Variants in PCNX2 observed in about 807,000 individuals in gnomAD.
PCNX2 encodes the protein pecanex-like protein 2.
In PCNX2, 168 loss-of-function variants were observed where a neutral mutation model predicts 223.8. That is an observed-to-expected ratio of 0.75 (90% CI 0.66 to 0.85). PCNX2 has a LOEUF of 0.85. Ranked by LOEUF, PCNX2 falls within the 40% of genes least tolerant of loss-of-function variation. The probability of loss-of-function intolerance (pLI) is 0.00; values close to 1 mark genes in which losing one functional copy is unlikely to be tolerated. For missense variants in PCNX2, 2,507 were observed against 2,675.5 expected, an observed-to-expected ratio of 0.94 and a Z score of 1.39; for synonymous variants, 1,006 against 1,052.6, an observed-to-expected ratio of 0.96 and a Z score of 0.86.
At chr1:233,141,771 ATATGTG>A (rs1677137387) in intron 19 of PCNX2, among the ~76,000 whole-genome samples, 1 of 110,658 alleles carries the variant, frequency 9.0e-6, no homozygotes, top group Non-Finnish European at 1.8e-5. Context: ...GTGTATATGT[ATATGTG>A]TGTGTGTGTG....
Position 233,278,568 on chromosome 1 carries a change from T to TG in PCNX2, c.154-15406dup, listed in dbSNP as rs541589132. The stretch of plus-strand genomic sequence containing the variant: ...TGAGAATTATGCCTGCTGATGGGAA[T>TG]GGGCATTTCTGTACAGGGGAGTGGA... On this transcript the variant is annotated intron_variant, in intron 1 of 33. Transcript: ENST00000258229. Among the ~76,000 whole-genome samples, 55 of 152,294 alleles carry TG rather than the reference T, an allele frequency of 3.6e-4. No individual in the cohort carries two copies. The East Asian group carries it at 6.8e-3, about 19-fold the overall frequency.
chr1:233,152,587 T>C (rs1207405256), intron 19 of PCNX2, among the ~76,000 whole-genome samples: 2 of 152,224 alleles, frequency 1.3e-5, no homozygotes, highest in African/African-American at 4.8e-5. Context: ...TTTTTACATA[T>C]ATTATTGAGT....
chr1:233,156,918 A>AAAACAAAC (rs138795086), intron 19 of PCNX2, among the ~76,000 whole-genome samples: 22 of 152,200 alleles, frequency 1.4e-4, no homozygotes, highest in Non-Finnish European at 2.9e-4. Flanking sequence ...ATTCAGTCTC[A>AAAACAAAC]AAACAAACAA....
intron 12 of PCNX2, among the ~76,000 whole-genome samples, chr1:233,216,749 C>T (rs181423347): frequency 3.8e-4 from 58 of 152,182 alleles, no homozygotes; most frequent in East Asian, 1.3e-3. Context: ...AAAAGATATA[C>T]GCATCACCAT....
At chr1:232,998,539 C>T in intron 31 of PCNX2, 101 bp from the exon 32 acceptor site, 1 of 1,345,278 alleles carries the variant, frequency 7.4e-7, no homozygotes, top group Non-Finnish European at 1.0e-6. Context: ...GAAGAGCGTG[C>T]TCTCCAGGTG....
intron 32 of PCNX2, among the ~76,000 whole-genome samples, chr1:232,992,303 G>C (rs1469650560): frequency 6.6e-6 from 1 of 152,204 alleles, no homozygotes; most frequent in Non-Finnish European, 1.5e-5. Flanking sequence ...CAGTGAGAAA[G>C]TAAAGGAGCC....
At chr1:233,275,970 G>A (rs1235648414) in intron 1 of PCNX2, among the ~76,000 whole-genome samples, 1 of 151,912 alleles carries the variant, frequency 6.6e-6, no homozygotes, top group African/African-American at 2.4e-5. Flanking sequence ...GGCAGAGGTT[G>A]CAGTGAGCCC....
chr1:232,992,155 C>T (rs1028787221), intron 32 of PCNX2, among the ~76,000 whole-genome samples: 2 of 152,212 alleles, frequency 1.3e-5, no homozygotes, highest in African/African-American at 4.8e-5. Flanking sequence ...TCTTCCAGCT[C>T]TCTGACCCTC....
Position 233,078,290 on chromosome 1 carries a change from A to C in PCNX2, c.4076+11771T>G, listed in dbSNP as rs1027735844. On this transcript the variant is annotated intron_variant, in intron 23 of 33. Coordinates refer to ENST00000258229, the MANE Select transcript of PCNX2 (RefSeq NM_014801.4). ...TGGCCGATCTCAGGGAAGACGTTTTAATTAGAAATGCTCAGGATTCTTGGC... is the reference window on the plus strand; with the variant it reads ...TGGCCGATCTCAGGGAAGACGTTTTCATTAGAAATGCTCAGGATTCTTGGC... Among the ~76,000 whole-genome samples, 5 of 152,350 alleles carry C rather than the reference A, an allele frequency of 3.3e-5. No individual in the cohort carries two copies. In the East Asian group the frequency reaches 9.6e-4, roughly 29 times the overall value.
intron 1 of PCNX2, among the ~76,000 whole-genome samples, chr1:233,272,613 T>TACC (rs1392136642): frequency 1.3e-5 from 2 of 152,220 alleles, no homozygotes; most frequent in African/African-American, 4.8e-5. Context: ...AAAGTAGAAC[T>TACC]ACCATTTGAT....
Position 233,020,616 on chromosome 1 carries a change from C to T in PCNX2, c.4606-3462G>A, listed in dbSNP as rs111777899. ...AGGCAGGCCAACCTGTCGGGTTGTT[C>T]GCGCCTCATTCTGCAAGGCCAGTGA... On this transcript the variant is annotated intron_variant, in intron 26 of 33. Transcript: ENST00000258229. Among the ~76,000 whole-genome samples the T allele has an allele frequency of 5.9e-3, 895 of 152,340 alleles. 13 individuals carry two copies. Among genetic ancestry groups the T allele is most frequent in the African/African-American group, 0.021 (858 of 41,576 alleles).
Position 233,252,668 on chromosome 1 carries a change from C to T in PCNX2, c.1955G>A (p.Cys652Tyr), listed in dbSNP as rs200943866. ...SQDHTSTGPA[C>Y]TQPAKTTAFF... Reference sequence around the variant, plus strand: ...GGCTGTGGTCTTGGCAGGCTGAGTGCATGCGGGGCCGGTGCTAGTATGGTC... The same window carrying T: ...GGCTGTGGTCTTGGCAGGCTGAGTGTATGCGGGGCCGGTGCTAGTATGGTC... Residue 652 changes from cysteine (C) to tyrosine (Y), a missense_variant, in exon 6 of 34, where the codon TGC becomes TAC. Coordinates refer to ENST00000258229, the MANE Select transcript of PCNX2 (RefSeq NM_014801.4). 106 of 1,613,488 alleles carry T rather than the reference C, an allele frequency of 6.6e-5. No homozygotes were observed. In the African/African-American group the frequency reaches 1.2e-3, roughly 18 times the overall value.
intron 28 of PCNX2, among the ~76,000 whole-genome samples, chr1:233,011,436 T>C (rs1184454080): frequency 6.6e-6 from 1 of 152,164 alleles, no homozygotes; most frequent in East Asian, 1.9e-4. Flanking sequence ...CCAAACCCCA[T>C]TTTAAAAATT....
chr1:233,213,812 C>T (rs1289319922), intron 12 of PCNX2, among the ~76,000 whole-genome samples: 1 of 140,004 alleles, frequency 7.1e-6, no homozygotes, highest in Admixed American at 7.3e-5. Flanking sequence ...TTGCCCAGTG[C>T]ACTCTTTTTT....
At chr1:233,311,776 T>G in the PCNX2 span, among the ~76,000 whole-genome samples, 1 of 152,190 alleles carries the variant, frequency 6.6e-6, no homozygotes, top group Non-Finnish European at 1.5e-5. Flanking sequence ...ACAGATGGAA[T>G]GTATTGATAA....
intron 23 of PCNX2, among the ~76,000 whole-genome samples, chr1:233,075,137 C>T (rs1673034682): frequency 6.6e-6 from 1 of 152,168 alleles, no homozygotes; most frequent in South Asian, 2.1e-4. Context: ...AAACAAGTGT[C>T]CAAAGAAGCT....
At chr1:233,025,632 T>C in intron 25 of PCNX2, 3 of 563,702 alleles carry the variant, frequency 5.3e-6, no homozygotes, top group Middle Eastern at 4.7e-4. Flanking sequence ...ATTTAAACGA[T>C]TTAAAAATTT....
chr1:233,142,282 A>T lies in PCNX2; in HGVS notation c.3518-2427T>A, dbSNP rs114743945. On this transcript the variant is annotated intron_variant, in intron 19 of 33. Coordinates refer to ENST00000258229, the MANE Select transcript of PCNX2 (RefSeq NM_014801.4). ...TTACAGTAGTAGAGTAGTAAAAAAA[A>T]ATCTTCAAGACCACTCCTGCATTCC... 4.7e-3 allele frequency among the ~76,000 whole-genome samples: 718 copies of T among 152,274 alleles called. 5 individuals carry two copies. Among genetic ancestry groups the T allele is most frequent in the African/African-American group, 0.016 (649 of 41,554 alleles).
chr1:233,061,151 G>A (rs913699229), intron 23 of PCNX2, among the ~76,000 whole-genome samples: 1 of 152,034 alleles, frequency 6.6e-6, no homozygotes, highest in African/African-American at 2.4e-5. Context: ...GTTTGGTGGG[G>A]GTCTGTTCAT....
Sources: allele counts gnomAD v4.1 joint callset (sites outside exome capture counted in the v4.1 genomes callset), GRCh38; gene constraint gnomAD v4.1.1; transcripts MANE v1.5; gene names NCBI Gene and HGNC (gene_info 2026-07-23, HGNC 2026-07-21).